FSIP2: variants seen among roughly 807,000 people sequenced by gnomAD.
FSIP2 encodes fibrous sheath interacting protein 2.
In FSIP2, 367 loss-of-function variants were observed where a neutral mutation model predicts 510.5. The ratio of observed to expected loss-of-function variants is 0.72; its 90% CI spans 0.66 to 0.78. The LOEUF is 0.78. FSIP2 is among the 30% of genes least tolerant of loss of function. The probability of loss-of-function intolerance (pLI) is 0.00; values close to 1 mark genes in which losing one functional copy is unlikely to be tolerated. For missense variants in FSIP2, 7,594 were observed against 7,901.7 expected, an observed-to-expected ratio of 0.96 and a Z score of 1.48; for synonymous variants, 2,601 against 2,732.2, an observed-to-expected ratio of 0.95 and a Z score of 1.50.
intron 9 of FSIP2, among the ~76,000 whole-genome samples, chr2:185,759,343 T>G (rs1692304262): frequency 6.7e-6 from 1 of 149,122 alleles, no homozygotes. Context: ...ATCAAATTAC[T>G]TTTGATTTTC....
At chr2:185,769,351 G>A (rs888851545) in intron 13 of FSIP2, among the ~76,000 whole-genome samples, 2 of 152,126 alleles carry the variant, frequency 1.3e-5, no homozygotes, top group African/African-American at 4.8e-5. Flanking sequence ...GTATCTCATT[G>A]TGATTTTGAT....
intron 15 of FSIP2, 51 bp from the exon 16 acceptor site, chr2:185,788,592 G>T: frequency 1.6e-6 from 2 of 1,275,266 alleles, no homozygotes; most frequent in Non-Finnish European, 2.1e-6. Flanking sequence ...CCAAAACATA[G>T]AGTAAGTTGT....
intron 22 of FSIP2, 112 bp from the exon 23 acceptor site, chr2:185,832,978 C>A (rs1694134667): frequency 3.7e-6 from 3 of 812,358 alleles, no homozygotes; most frequent in Admixed American, 2.3e-5. Flanking sequence ...GTCAGAAAGT[C>A]TGGACCCTAT....
intron 13 of FSIP2, among the ~76,000 whole-genome samples, chr2:185,780,554 T>C (rs1050173253): frequency 1.3e-5 from 2 of 150,734 alleles, no homozygotes; most frequent in Non-Finnish European, 3.0e-5. Flanking sequence ...TCTATTCTTA[T>C]CCTTTCAAAA....
chr2:185,737,909 C>T (rs993905471), upstream of FSIP2, among the ~76,000 whole-genome samples: 1 of 152,076 alleles, frequency 6.6e-6, no homozygotes, highest in Non-Finnish European at 1.5e-5. Flanking sequence ...GTCAGTCTTC[C>T]TCAATCTTTG....
At position 185,804,281 on chromosome 2, in the gene FSIP2, T is replaced by G; in HGVS notation, c.14975T>G (p.Ile4992Ser). Residue 4992 changes from isoleucine (I) to serine (S), a missense_variant, in exon 17 of 23, where the codon ATT becomes AGT. Coordinates refer to ENST00000424728, the MANE Select transcript of FSIP2 (RefSeq NM_173651.4). Reference protein sequence around the residue: ...TRIVTTLVNSIVLEFTTSEIL... With the variant: ...TRIVTTLVNSSVLEFTTSEIL... ...ATTGTTACAACATTGGTAAATTCAA[T>G]TGTTCTGGAGTTCACCACATCAGAG... 3 of 1,528,326 alleles carry G rather than the reference T, an allele frequency of 2.0e-6. No individual in the cohort carries two copies. The highest frequency in any genetic ancestry group is 2.6e-6 in the Non-Finnish European group (3 of 1,143,214). 94.7% of individuals were successfully genotyped at this position (1,528,326 alleles called of 1,614,324 possible). A position where few individuals can be genotyped will look rare whatever the true frequency, so the allele number is the denominator to read the frequency against.
At chr2:185,755,270 T>C (rs1284746293) in intron 8 of FSIP2, among the ~76,000 whole-genome samples, 2 of 151,596 alleles carry the variant, frequency 1.3e-5, no homozygotes, top group Non-Finnish European at 3.0e-5. Flanking sequence ...TAGAACACCA[T>C]GCAAAGCATA....
chr2:185,756,298 A>C lies in FSIP2; in HGVS notation c.1078+20A>C. ...CACATGGTAATTGAATATTGTGACA[A>C]GAAACACTAGATACTAAACAATAAT... On this transcript the variant is annotated intron_variant, in intron 9 of 22. Coordinates refer to ENST00000424728, the MANE Select transcript of FSIP2 (RefSeq NM_173651.4). 1.1e-6 allele frequency: 1 copy of C among 914,980 alleles called. No individual in the cohort carries two copies. Among genetic ancestry groups the C allele is most frequent in the Non-Finnish European group, 1.6e-6 (1 of 628,388 alleles). The allele number at this position is 914,980 out of a possible 1,614,324, so 56.7% of individuals were successfully genotyped here.
chr2:185,794,905 C>A lies in FSIP2; in HGVS notation c.7769C>A (p.Ala2590Glu). The A allele has an allele frequency of 6.5e-7, 1 of 1,534,050 alleles. No individual in the cohort carries two copies. The highest frequency in any genetic ancestry group is 8.7e-7 in the Non-Finnish European group (1 of 1,145,448). Residue 2590 changes from alanine to glutamate, a missense_variant, in exon 16 of 23, where the codon GCA becomes GAA. Physicochemically the swap from Ala to Glu is moderately radical, Grantham distance 107. Coordinates refer to ENST00000424728, the MANE Select transcript of FSIP2 (RefSeq NM_173651.4). ...TTAAGGTTTAGAGAAACTAAACAAG[C>A]AGGAAAAATAAGTAATTCCCCTAGA... is the stretch of plus-strand genomic sequence containing the variant. Reference protein sequence around the residue: ...KPLRFRETKQAGKISNSPRYA... With the variant: ...KPLRFRETKQEGKISNSPRYA...
intron 13 of FSIP2, among the ~76,000 whole-genome samples, chr2:185,767,914 G>T (rs568199037): frequency 2.6e-5 from 4 of 151,996 alleles, no homozygotes; most frequent in African/African-American, 9.7e-5. Context: ...TTGCTAGATC[G>T]ATCATAAGGT....
At chr2:185,777,344 CTGCGAATAATAAA>C (rs1692748081) in intron 13 of FSIP2, among the ~76,000 whole-genome samples, 1 of 150,222 alleles carries the variant, frequency 6.7e-6, no homozygotes, top group African/African-American at 2.4e-5. Flanking sequence ...ATTATATCTT[CTGCGAATAATAAA>C]ATTTAGTTAC....
At position 185,790,938 on chromosome 2, in the gene FSIP2, T is replaced by G; in HGVS notation, c.3802T>G (p.Phe1268Val). Residue 1268 changes from phenylalanine (F) to valine (V), a missense_variant, in exon 16 of 23, where the codon TTT becomes GTT. By Grantham distance (50) the Phe-to-Val change is conservative. Transcript: ENST00000424728. ...DINDKIIRTI[F>V]KRLKSFICPK... ...TAATGATAAGATCATTCGTACAATT[T>G]TTAAAAGACTGAAGTCATTTATTTG... 1 of 1,524,004 alleles carries G rather than the reference T, an allele frequency of 6.6e-7. No homozygotes were observed. Among genetic ancestry groups the G allele is most frequent in the Non-Finnish European group, 8.8e-7 (1 of 1,142,680 alleles). 94.4% of individuals were successfully genotyped at this position (1,524,004 alleles called of 1,614,324 possible).
Position 185,794,545 on chromosome 2 carries a change from T to C in FSIP2, c.7409T>C (p.Met2470Thr), listed in dbSNP as rs1693220688. ...RQIIVLEEIF[M>T]RNGESKNKEK... is the part of the protein sequence containing the mutation. ...ATAATTGTTTTGGAAGAAATATTTA[T>C]GAGAAATGGAGAATCAAAAAACAAA... The change falls in exon 16 of 23, where the codon ATG becomes ACG. Residue 2470 changes from methionine to threonine, a missense_variant. Physicochemically the swap from Met to Thr is moderately conservative, Grantham distance 81. Coordinates refer to ENST00000424728, the MANE Select transcript of FSIP2 (RefSeq NM_173651.4). The C allele has an allele frequency of 1.2e-5, 19 of 1,529,890 alleles. No individual in the cohort carries two copies. The highest frequency in any genetic ancestry group is 1.7e-5 in the Non-Finnish European group (19 of 1,144,628). 94.8% of individuals were successfully genotyped at this position (1,529,890 alleles called of 1,614,324 possible).
chr2:185,788,532 T>C (rs1693041088), intron 15 of FSIP2, 111 bp from the exon 16 acceptor site: 3 of 642,202 alleles, frequency 4.7e-6, no homozygotes, highest in Non-Finnish European at 7.5e-6. Flanking sequence ...TAAACCATAA[T>C]GGTATTCCAC....
intron 13 of FSIP2, among the ~76,000 whole-genome samples, chr2:185,774,747 A>C: frequency 1.9e-5 from 2 of 103,830 alleles, no homozygotes; most frequent in Non-Finnish European, 3.9e-5. Context: ...CCACCCCACA[A>C]CAGTCCCCAG....
chr2:185,802,172 T>C lies in FSIP2; in HGVS notation c.12866T>C (p.Val4289Ala), dbSNP rs756522877. ...STIVTQVLSE[V>A]IESHRPQKQS... Reference sequence around the variant, plus strand: ...ATTGTTACACAGGTTCTGAGTGAAGTGATAGAGTCACACAGACCTCAGAAG... The same window carrying C: ...ATTGTTACACAGGTTCTGAGTGAAGCGATAGAGTCACACAGACCTCAGAAG... The change falls in exon 17 of 23, where the codon GTG becomes GCG. Residue 4289 changes from valine to alanine, a missense_variant. Coordinates refer to ENST00000424728, the MANE Select transcript of FSIP2 (RefSeq NM_173651.4). 6.9e-5 allele frequency: 106 copies of C among 1,533,120 alleles called. No individual in the cohort carries two copies. The highest frequency in any genetic ancestry group is 1.7e-4 in the Middle Eastern group (1 of 5,996). The allele number at this position is 1,533,120 out of a possible 1,614,324, so 95.0% of individuals were successfully genotyped here. A position where few individuals can be genotyped will look rare whatever the true frequency, so the allele number is the denominator to read the frequency against.
chr2:185,802,122 GA>G lies in FSIP2; in HGVS notation c.12817del (p.Thr4273LeufsTer14), dbSNP rs1693453861. 6.5e-7 allele frequency: 1 copy of G among 1,533,188 alleles called. No homozygotes were observed. Among genetic ancestry groups the G allele is most frequent in the African/African-American group, 1.4e-5 (1 of 72,798 alleles). The allele number at this position is 1,533,188 out of a possible 1,614,324, so 95.0% of individuals were successfully genotyped here. A position where few individuals can be genotyped will look rare whatever the true frequency, so the allele number is the denominator to read the frequency against. On this transcript the variant is annotated frameshift_variant, in exon 17 of 23. Transcript: ENST00000424728. LOFTEE classifies it high-confidence loss of function. The part of the protein sequence containing the change: ...LSGEVLCHPR[T>X]PLDPVSTIVT... ...GTGGAGAGGTTTTATGTCATCCAAG[GA>G]CTCCACTGGATCCAGTGTCTACTAT...
rs1382820661 is a variant in FSIP2 at position 185,800,505 on chromosome 2, GC to G, written c.11200del (p.Gln3734AsnfsTer58). 4.2e-5 allele frequency: 65 copies of G among 1,533,164 alleles called. No homozygotes were observed. Among genetic ancestry groups the G allele is most frequent in the Non-Finnish European group, 5.3e-5 (61 of 1,145,388 alleles). 95.0% of individuals were successfully genotyped at this position (1,533,164 alleles called of 1,614,324 possible). A position where few individuals can be genotyped will look rare whatever the true frequency, so the allele number is the denominator to read the frequency against. On this transcript the variant is annotated frameshift_variant, in exon 17 of 23. Transcript: ENST00000424728. LOFTEE classifies it high-confidence loss of function. Reference sequence around the variant, plus strand: ...CATATTTCTACTCCTCGAATAATGAGCAACCTAATAGCATACTTACCAATAA... The same window carrying G: ...CATATTTCTACTCCTCGAATAATGAGAACCTAATAGCATACTTACCAATAA... Reference protein sequence around the residue: ...RTYFYSSNNEQPNSILTNNLQ... With the variant: ...RTYFYSSNNEXPNSILTNNLQ...
chr2:185,782,632 A>T, intron 13 of FSIP2, 73 bp from the exon 14 acceptor site: 1 of 849,770 alleles, frequency 1.2e-6, no homozygotes, highest in Non-Finnish European at 1.9e-6. Flanking sequence ...ATAAATACCT[A>T]CTGGAGGATT....
Sources: allele counts gnomAD v4.1 joint callset (sites outside exome capture counted in the v4.1 genomes callset), GRCh38; gene constraint gnomAD v4.1.1; transcripts MANE v1.5; gene names NCBI Gene and HGNC (gene_info 2026-07-23, HGNC 2026-07-21).